ABCA8: variants seen among roughly 807,000 people sequenced by gnomAD.
ABCA8 encodes ATP binding cassette subfamily A member 8.
Under a neutral mutation model 192.3 loss-of-function variants are expected in ABCA8, and 177 were observed. The ratio of observed to expected loss-of-function variants is 0.92; its 90% CI spans 0.81 to 1.04. The LOEUF is 1.04. Among genes scored for constraint, ABCA8 ranks in the 50% least tolerant of loss-of-function variants. The pLI, the probability that ABCA8 is intolerant of heterozygous loss-of-function variation, is 0.00. For synonymous variants in ABCA8, 642 were observed against 690.2 expected (o/e 0.93, Z 1.09); for missense variants, 1,915 against 1,904.8 (o/e 1.01, Z -0.10).
At chr17:68,892,856 T>A (rs2066648475) in intron 23 of ABCA8, among the ~76,000 whole-genome samples, 1 of 152,080 alleles carries the variant, frequency 6.6e-6, no homozygotes, top group Non-Finnish European at 1.5e-5. Flanking sequence ...ATGAAAATAA[T>A]ACTGGCAGCT....
intron 1 of ABCA8, among the ~76,000 whole-genome samples, chr17:68,952,200 C>G (rs1026409586): frequency 6.6e-6 from 1 of 152,114 alleles, no homozygotes; most frequent in African/African-American, 2.4e-5. Context: ...GAATTCCAAT[C>G]TAATTATCCT....
At position 68,921,384 on chromosome 17, in the gene ABCA8, T is replaced by G; in HGVS notation, c.1610A>C (p.Lys537Thr). 6.2e-7 allele frequency: 1 copy of G among 1,604,468 alleles called. No homozygotes were observed. Reference protein sequence around the residue: ...NILSGLSVPTKGSVTIYNNKL... With the variant: ...NILSGLSVPTTGSVTIYNNKL... ...AAAGAAAACAAACTAGTTTGTACCT[T>G]TGGTGGGAACAGACAACCCACTAAG... Residue 537 changes from lysine to threonine, a missense_variant and splice_region_variant, in exon 13 of 40, where the codon AAA (lysine) becomes ACA (threonine). Physicochemically the swap from Lys to Thr is moderately conservative, Grantham distance 78. Coordinates refer to ENST00000586539, the MANE Select transcript of ABCA8 (RefSeq NM_001288985.2).
intron 1 of ABCA8, among the ~76,000 whole-genome samples, chr17:68,949,831 A>C (rs2068518638): frequency 6.6e-6 from 1 of 152,184 alleles, no homozygotes. Context: ...AGCCATAGCC[A>C]ATATCATACT....
intron 1 of ABCA8, among the ~76,000 whole-genome samples, chr17:68,953,630 A>C (rs2068632155): frequency 6.6e-6 from 1 of 152,144 alleles, no homozygotes; most frequent in South Asian, 2.1e-4. Flanking sequence ...GAGAAGAGGG[A>C]AAGACAGTTC....
chr17:68,947,081 G>A (rs2068431985), intron 2 of ABCA8, among the ~76,000 whole-genome samples: 1 of 152,022 alleles, frequency 6.6e-6, no homozygotes, highest in Admixed American at 6.5e-5. Context: ...TCTTCTAAAT[G>A]CATATTGGAA....
rs2067657557 is a variant in ABCA8, at chr17:68,924,977, T to A, written c.1274-108A>T. 5 of 1,153,966 alleles carry A rather than the reference T, an allele frequency of 4.3e-6. No individual in the cohort carries two copies. In the African/African-American group the frequency reaches 6.2e-5, roughly 14 times the overall value. The allele number at this position is 1,153,966 out of a possible 1,614,324, so 71.5% of individuals were successfully genotyped here. A position where few individuals can be genotyped will look rare whatever the true frequency, so the allele number is the denominator to read the frequency against. ...AGCCCTTTGTTGCTAAACCTGAACA[T>A]GTGGTCAACAGCAGGTAATGCACGT... On this transcript the variant is annotated intron_variant, in intron 10 of 39. Transcript: ENST00000586539.
rs1442682478 is a variant in ABCA8, at chr17:68,875,349, C to G, written c.4542G>C (p.Leu1514=). The G allele has an allele frequency of 1.2e-6, 2 of 1,614,056 alleles. No individual in the cohort carries two copies. Among genetic ancestry groups the G allele is most frequent in the Admixed American group, 3.3e-5 (2 of 60,012 alleles). The change falls in exon 37 of 40, where the codon CTG becomes CTC. Residue 1514 remains leucine, a synonymous_variant. Coordinates refer to ENST00000586539, the MANE Select transcript of ABCA8 (RefSeq NM_001288985.2). ...HLKSKFGKDY[L]LEMKVKNLAQ... is the part of the protein sequence containing the mutation. ...CCAGGTTCTTCACCTTCATCTCCAG[C>G]AGGTAATCTTTGCCAAATTTGCTTT...
chr17:68,900,763 T>C (rs1394570384), intron 21 of ABCA8, among the ~76,000 whole-genome samples: 1 of 152,090 alleles, frequency 6.6e-6, no homozygotes, highest in Non-Finnish European at 1.5e-5. Context: ...ATCCTATAAA[T>C]GCAAGGTTGG....
Position 68,907,807 on chromosome 17 carries a change from T to C in ABCA8, c.2211A>G (p.Lys737=), listed in dbSNP as rs2067116945. 5 of 1,610,094 alleles carry C rather than the reference T, an allele frequency of 3.1e-6. No individual in the cohort carries two copies. The highest frequency in any genetic ancestry group is 4.2e-6 in the Non-Finnish European group (5 of 1,178,336). ...SLVKQHIPDA[K]LSAKSEGKLI... ...GTTTTCCTTCGCTTTTGGCTGATAA[T>C]TTGGCATCAGGGATGTGCTGTTTAA... The change falls in exon 18 of 40, where the codon AAA becomes AAG. Residue 737 remains lysine (K), a synonymous_variant. Transcript: ENST00000586539.
intron 11 of ABCA8, among the ~76,000 whole-genome samples, chr17:68,923,056 C>G (rs139501046): frequency 6.6e-6 from 1 of 151,972 alleles, no homozygotes; most frequent in Admixed American, 6.6e-5. Flanking sequence ...GAATTCTAGG[C>G]GATAAATCTG....
intron 17 of ABCA8, among the ~76,000 whole-genome samples, chr17:68,909,233 T>C (rs1355492806): frequency 6.6e-6 from 1 of 152,230 alleles, no homozygotes; most frequent in Non-Finnish European, 1.5e-5. Context: ...AAACTTTTTC[T>C]GTAAAATGTG....
At chr17:68,925,634 C>G (rs893374254) in intron 10 of ABCA8, among the ~76,000 whole-genome samples, 3 of 152,214 alleles carry the variant, frequency 2.0e-5, no homozygotes, top group Non-Finnish European at 4.4e-5. Context: ...CTGTGTATTT[C>G]TCACATGTTC....
chr17:68,939,532 T>C (rs1461466511), intron 4 of ABCA8, among the ~76,000 whole-genome samples: 1 of 152,178 alleles, frequency 6.6e-6, no homozygotes, highest in Non-Finnish European at 1.5e-5. Context: ...CTATCAGAAA[T>C]GATCTGTAAT....
intron 4 of ABCA8, among the ~76,000 whole-genome samples, chr17:68,940,534 G>A (rs190012381): frequency 5.3e-5 from 8 of 152,104 alleles, no homozygotes; most frequent in Admixed American, 1.3e-4. Flanking sequence ...GAGAGACTGC[G>A]CACCCCAAAT....
chr17:68,947,709 T>G (rs2068450647), intron 2 of ABCA8, among the ~76,000 whole-genome samples: 2 of 136,354 alleles, frequency 1.5e-5, no homozygotes, highest in Admixed American at 1.5e-4. Context: ...GTATTCATTA[T>G]ATTTAGATTA....
rs1272468572 is a variant in ABCA8, at chr17:68,902,703, A to C, written c.2764+10T>G. On this transcript the variant is annotated intron_variant, in intron 21 of 39. Transcript: ENST00000586539. ...AAATGTATTTGGAAATCAAGTATCC[A>C]CCATTTTACCTGTTTTATTGATGAT... The C allele has an allele frequency of 5.6e-6, 9 of 1,607,866 alleles. No homozygotes were observed. The highest frequency in any genetic ancestry group is 7.7e-6 in the Non-Finnish European group (9 of 1,175,022).
At chr17:68,926,580 A>T (rs990598976) in intron 10 of ABCA8, among the ~76,000 whole-genome samples, 7 of 152,210 alleles carry the variant, frequency 4.6e-5, no homozygotes, top group Non-Finnish European at 8.8e-5. Flanking sequence ...GCAAAAAAGT[A>T]ATTTTTCTAA....
chr17:68,877,443 T>A, intron 33 of ABCA8, 76 bp downstream of exon 33: 1 of 1,381,150 alleles, frequency 7.2e-7, no homozygotes, highest in Non-Finnish European at 9.6e-7. Flanking sequence ...CATCCTGAAT[T>A]TCCTGTGAGG....
intron 2 of ABCA8, among the ~76,000 whole-genome samples, chr17:68,946,612 A>T (rs74875705): frequency 0.015 from 2,284 of 152,272 alleles, 64 homozygotes; most frequent in African/African-American, 0.051. Flanking sequence ...TCATGGGAAG[A>T]TAAACTGATA....
Sources: gnomAD v4.1 joint callset for allele counts (sites outside exome capture counted in the v4.1 genomes callset) on GRCh38, gnomAD v4.1.1 for gene constraint, MANE v1.5 for transcripts, NCBI Gene and HGNC (gene_info 2026-07-23, HGNC 2026-07-21) for gene names.